Variants in PRLR observed in about 807,000 individuals in gnomAD.
The protein encoded by PRLR is prolactin receptor.
In PRLR, 13 loss-of-function variants were observed where a neutral mutation model predicts 40.2. The ratio of observed to expected loss-of-function variants is 0.32; its 90% CI spans 0.21 to 0.51. PRLR has a LOEUF of 0.51. PRLR is among the 20% of genes least tolerant of loss of function. The probability of loss-of-function intolerance (pLI) is 0.97; values close to 1 mark genes in which losing one functional copy is unlikely to be tolerated. For synonymous variants in PRLR, 269 were observed against 278.7 expected, an observed-to-expected ratio of 0.97 and a Z score of 0.35; for missense variants, 656 against 747.3, an observed-to-expected ratio of 0.88 and a Z score of 1.42.
chr5:35,167,661 A>G (rs955631400), intron 1 of PRLR, among the ~76,000 whole-genome samples: 1 of 152,096 alleles, frequency 6.6e-6, no homozygotes, highest in Non-Finnish European at 1.5e-5. Flanking sequence ...TGTAGAATTA[A>G]AACGCATACA....
intron 1 of PRLR, among the ~76,000 whole-genome samples, chr5:35,172,880 C>T (rs367703999): frequency 1.3e-5 from 2 of 152,130 alleles, no homozygotes; most frequent in East Asian, 1.9e-4. Flanking sequence ...AAATGAGTTC[C>T]GGCCCAGGAA....
chr5:35,219,706 T>C (rs1776369774), intron 1 of PRLR, among the ~76,000 whole-genome samples: 1 of 152,134 alleles, frequency 6.6e-6, no homozygotes, highest in African/African-American at 2.4e-5. Flanking sequence ...ATCAGAATAG[T>C]CTTACGAGAC....
intron 2 of PRLR, among the ~76,000 whole-genome samples, chr5:35,113,796 G>C (rs551372048): frequency 6.6e-6 from 1 of 152,246 alleles, no homozygotes; most frequent in Non-Finnish European, 1.5e-5. Flanking sequence ...AGGAGGCCAG[G>C]AGGGGTTGCC....
At chr5:35,209,310 T>C (rs1776107007) in intron 1 of PRLR, among the ~76,000 whole-genome samples, 1 of 152,216 alleles carries the variant, frequency 6.6e-6, no homozygotes, top group African/African-American at 2.4e-5. Flanking sequence ...AGCTGGCATT[T>C]ATATTCTTAT....
In PRLR at chr5:35,063,289, G is replaced by GA. The variant is rs1394468522; in HGVS notation, c.*1799dup. Reference sequence around the variant, plus strand: ...TGTGTTCACTTTCAAACAGGAGGGGGACCTCTGAGTCCAGTTGCTATCAAT... The same window carrying GA: ...TGTGTTCACTTTCAAACAGGAGGGGGAACCTCTGAGTCCAGTTGCTATCAAT... On this transcript the variant is annotated 3_prime_UTR_variant, in exon 10 of 10. Transcript: ENST00000618457. 3 of 152,182 alleles carry GA rather than the reference G, an allele frequency of 2.0e-5. No individual in the cohort carries two copies. Among genetic ancestry groups the GA allele is most frequent in the Admixed American group, 6.5e-5 (1 of 15,278 alleles). 9.4% of individuals were successfully genotyped at this position (152,182 alleles called of 1,614,324 possible).
intron 2 of PRLR, among the ~76,000 whole-genome samples, chr5:35,109,862 A>G (rs1344912915): frequency 6.6e-6 from 1 of 152,226 alleles, no homozygotes; most frequent in Non-Finnish European, 1.5e-5. Flanking sequence ...CCATCCCATT[A>G]CTGCATATAT....
At chr5:35,156,432 C>G (rs1234882115) in intron 1 of PRLR, among the ~76,000 whole-genome samples, 2 of 152,178 alleles carry the variant, frequency 1.3e-5, no homozygotes, top group Non-Finnish European at 2.9e-5. Context: ...AAATCATACA[C>G]TTTTCTGCTC....
chr5:35,118,591 T>C (rs1773155592), intron 1 of PRLR, among the ~76,000 whole-genome samples: 1 of 152,206 alleles, frequency 6.6e-6, no homozygotes, highest in African/African-American at 2.4e-5. Flanking sequence ...CTATAGAGCT[T>C]ACTCAAATTT....
Position 35,058,855 on chromosome 5 carries a change from C to T in PRLR, c.*6234G>A, listed in dbSNP as rs183459503. On this transcript the variant is annotated 3_prime_UTR_variant, in exon 10 of 10. Transcript: ENST00000618457. ...CTTGGCAAATACATCAAATATGCCA[C>T]CGAAAACCAGTCAAAGCATGAGACA... The T allele has an allele frequency of 3.4e-4, 52 of 152,144 alleles. No individual in the cohort carries two copies. Among genetic ancestry groups the T allele is most frequent in the Admixed American group, 1.9e-3 (29 of 15,280 alleles). The allele number at this position is 152,144 out of a possible 1,614,324, so 9.4% of individuals were successfully genotyped here. A position where few individuals can be genotyped will look rare whatever the true frequency, so the allele number is the denominator to read the frequency against.
chr5:35,169,967 C>CT (rs1454794200), intron 1 of PRLR, among the ~76,000 whole-genome samples: 1 of 152,158 alleles, frequency 6.6e-6, no homozygotes, highest in African/African-American at 2.4e-5. Context: ...GGCTCGGTCT[C>CT]TGTGATGGAG....
intron 5 of PRLR, among the ~76,000 whole-genome samples, chr5:35,074,417 G>A (rs368785664): frequency 4.6e-5 from 7 of 151,074 alleles, no homozygotes; most frequent in South Asian, 2.1e-4. Flanking sequence ...AGCTGAGATC[G>A]CACCATTGCA....
intron 1 of PRLR, among the ~76,000 whole-genome samples, chr5:35,133,418 A>T (rs1267841832): frequency 1.3e-5 from 2 of 152,212 alleles, no homozygotes; most frequent in Non-Finnish European, 2.9e-5. Context: ...CAGAGACCAA[A>T]GCAGAATTGT....
chr5:35,076,706 T>C (rs1468398668), intron 5 of PRLR, among the ~76,000 whole-genome samples: 1 of 152,066 alleles, frequency 6.6e-6, no homozygotes. Context: ...GCCACAAAGG[T>C]ACTCCTCGAG....
chr5:35,059,495 A>T lies in PRLR; in HGVS notation c.*5594T>A, dbSNP rs1485002919. On this transcript the variant is annotated 3_prime_UTR_variant, in exon 10 of 10. Coordinates refer to ENST00000618457, the MANE Select transcript of PRLR (RefSeq NM_000949.7). ...TCATAAAATCTGTTCAGAACACTGA[A>T]CAGATTTAGATTTACCATAGCCAAT... 1 of 152,276 alleles carries T rather than the reference A, an allele frequency of 6.6e-6. No homozygotes were observed. The highest frequency in any genetic ancestry group is 2.1e-4 in the South Asian group (1 of 4,824). 9.4% of individuals were successfully genotyped at this position (152,276 alleles called of 1,614,324 possible). A position where few individuals can be genotyped will look rare whatever the true frequency, so the allele number is the denominator to read the frequency against.
At chr5:35,146,676 G>A (rs1412135500) in intron 1 of PRLR, among the ~76,000 whole-genome samples, 1 of 152,194 alleles carries the variant, frequency 6.6e-6, no homozygotes, top group African/African-American at 2.4e-5. Context: ...TGCAGGAGAG[G>A]ATGGAGGTTT....
At chr5:35,132,521 A>G (rs961883009) in intron 1 of PRLR, among the ~76,000 whole-genome samples, 2 of 152,202 alleles carry the variant, frequency 1.3e-5, no homozygotes, top group African/African-American at 4.8e-5. Context: ...CACATCCAAC[A>G]GAATTACTAA....
Position 35,090,088 on chromosome 5 carries a change from C to CT in PRLR, c.-43-426_-43-425insA, listed in dbSNP as rs560228552. 2.6e-4 allele frequency among the ~76,000 whole-genome samples: 39 copies of CT among 152,326 alleles called. 1 individual carries two copies. In the South Asian group the frequency reaches 7.5e-3, roughly 29 times the overall value. ...CCAAAAATTGTCCAGGCTGAAAAGT[C>CT]AGTACCCTCAGTACAATCTCAACAT... On this transcript the variant is annotated intron_variant, in intron 2 of 9. Coordinates refer to ENST00000618457, the MANE Select transcript of PRLR (RefSeq NM_000949.7).
chr5:35,151,259 G>A (rs750032707), intron 1 of PRLR, among the ~76,000 whole-genome samples: 4 of 152,084 alleles, frequency 2.6e-5, no homozygotes, highest in Non-Finnish European at 4.4e-5. Context: ...CTCTTGCCTC[G>A]TAGCAATGGT....
chr5:35,083,454 G>C lies in PRLR; in HGVS notation c.373+1016C>G, dbSNP rs868518549. 3.6e-4 allele frequency among the ~76,000 whole-genome samples: 54 copies of C among 150,598 alleles called. 1 individual carries two copies. The highest frequency in any genetic ancestry group is 1.2e-3 in the East Asian group (6 of 5,122). ...TCTCTCTCTTCCTCTCTCTCTGTGT[G>C]TGTGTGTGTGTGTGTGTGTGTGCAC... On this transcript the variant is annotated intron_variant, in intron 5 of 9. Coordinates refer to ENST00000618457, the MANE Select transcript of PRLR (RefSeq NM_000949.7).
Sources: gnomAD v4.1 joint callset for allele counts (sites outside exome capture counted in the v4.1 genomes callset) on GRCh38, gnomAD v4.1.1 for gene constraint, MANE v1.5 for transcripts, NCBI Gene and HGNC (gene_info 2026-07-23, HGNC 2026-07-21) for gene names.